The following BMPR1B variants were observed in gnomAD, a reference collection of about 807,000 sequenced individuals.
BMPR1B encodes the protein bone morphogenetic protein receptor type 1B.
Under a neutral mutation model 59.1 loss-of-function variants are expected in BMPR1B, and 12 were observed. That is an observed-to-expected ratio of 0.20 (90% CI 0.13 to 0.33). BMPR1B has a LOEUF of 0.33. Among genes scored for constraint, BMPR1B ranks in the 10% least tolerant of loss-of-function variants. The probability of loss-of-function intolerance (pLI) is 1.00; values close to 1 mark genes in which losing one functional copy is unlikely to be tolerated. For synonymous variants in BMPR1B, 237 were observed against 207.3 expected, an observed-to-expected ratio of 1.14 and a Z score of -1.23; for missense variants, 550 against 610.9, an observed-to-expected ratio of 0.90 and a Z score of 1.05.
chr4:94,804,507 G>A (rs1313421500), intron 1 of BMPR1B, among the ~76,000 whole-genome samples: 1 of 151,816 alleles, frequency 6.6e-6, no homozygotes, highest in Non-Finnish European at 1.5e-5. Flanking sequence ...GGGCAGAGTT[G>A]TGGCCATGCC....
At chr4:95,005,234 G>A (rs1346289229) in intron 3 of BMPR1B, among the ~76,000 whole-genome samples, 1 of 151,962 alleles carries the variant, frequency 6.6e-6, no homozygotes, top group Non-Finnish European at 1.5e-5. Context: ...AAATTGTAGA[G>A]GTAGAGAATC....
At chr4:94,857,756 C>T (rs2522530) in intron 1 of BMPR1B, among the ~76,000 whole-genome samples, 118,323 of 152,074 alleles carry the variant, frequency 0.78, 46,623 homozygotes, top group African/African-American at 0.89. Context: ...AAAAAGACAT[C>T]TGTTAAATTT....
In BMPR1B at chr4:94,981,005, A is replaced by AAGCGCGCG. The variant is rs1553923782; in HGVS notation, c.-112-15035_-112-15034insAGCGCGCG. On this transcript the variant is annotated intron_variant, in intron 2 of 12. Coordinates refer to ENST00000515059, the MANE Select transcript of BMPR1B (RefSeq NM_001203.3). ...GCAAGACTCCATCACACACACACAC[A>AAGCGCGCG]CACACACACACACACACAAAAAGTA... 4.9e-5 allele frequency among the ~76,000 whole-genome samples: 6 copies of AAGCGCGCG among 122,798 alleles called. No homozygotes were observed. The South Asian group carries it at 1.5e-3, about 30-fold the overall frequency. The allele number at this position is 122,798 out of a possible 152,430, so 80.6% of individuals were successfully genotyped here. A position where few individuals can be genotyped will look rare whatever the true frequency, so the allele number is the denominator to read the frequency against.
At chr4:95,123,789 T>A (rs1321146451) in intron 6 of BMPR1B, 21 bp from the exon 7 acceptor site, 1 of 1,528,914 alleles carries the variant, frequency 6.5e-7, no homozygotes, top group Non-Finnish European at 9.0e-7. Flanking sequence ...TGATTATGGC[T>A]CTTTTTCTTT....
At chr4:95,066,193 A>T (rs1194495515) in intron 3 of BMPR1B, among the ~76,000 whole-genome samples, 2 of 152,354 alleles carry the variant, frequency 1.3e-5, no homozygotes, top group South Asian at 2.1e-4. Flanking sequence ...CCTGAATCAG[A>T]GGTGTCTATT....
intron 2 of BMPR1B, among the ~76,000 whole-genome samples, chr4:94,909,238 A>G (rs985047283): frequency 6.6e-6 from 1 of 152,126 alleles, no homozygotes; most frequent in Admixed American, 6.6e-5. Flanking sequence ...GTCTGGGAAT[A>G]TAATAGAGAA....
chr4:95,027,309 C>T (rs1724496601), intron 3 of BMPR1B, among the ~76,000 whole-genome samples: 1 of 152,064 alleles, frequency 6.6e-6, no homozygotes, highest in South Asian at 2.1e-4. Flanking sequence ...CTGATTATTT[C>T]ATAATTTGTT....
At chr4:94,826,084 T>C (rs1171303696) in intron 1 of BMPR1B, among the ~76,000 whole-genome samples, 3 of 152,224 alleles carry the variant, frequency 2.0e-5, no homozygotes, top group African/African-American at 4.8e-5. Context: ...TATTAATTCA[T>C]ATTTTTATTT....
At chr4:94,964,504 C>A (rs1261159388) in intron 2 of BMPR1B, among the ~76,000 whole-genome samples, 1 of 152,124 alleles carries the variant, frequency 6.6e-6, no homozygotes, top group African/African-American at 2.4e-5. Context: ...TGTCCCATAG[C>A]ACATAACTCA....
intron 11 of BMPR1B, among the ~76,000 whole-genome samples, chr4:95,151,094 C>T (rs3821968): frequency 0.1 from 15,154 of 152,148 alleles, 1,085 homozygotes; most frequent in Admixed American, 0.22. Context: ...GTGAAAGAGA[C>T]ACATCCAGAT....
Position 94,854,752 on chromosome 4 carries a change from A to G in BMPR1B, c.-182-21079A>G, listed in dbSNP as rs1160378261. Among the ~76,000 whole-genome samples, 7 of 152,160 alleles carry G rather than the reference A, an allele frequency of 4.6e-5. No homozygotes were observed. In the East Asian group the frequency reaches 1.3e-3, roughly 29 times the overall value. ...AGCAAGCCTATTCTTGGCCCATGAA[A>G]AGAAAGACATGCTCCCTAGTCATTG... On this transcript the variant is annotated intron_variant, in intron 1 of 12. Coordinates refer to ENST00000515059, the MANE Select transcript of BMPR1B (RefSeq NM_001203.3).
chr4:94,881,718 G>T (rs1328227049), intron 2 of BMPR1B, among the ~76,000 whole-genome samples: 1 of 152,122 alleles, frequency 6.6e-6, no homozygotes, highest in Admixed American at 6.5e-5. Context: ...TCCCGCCTTG[G>T]TCTCTCAAAG....
At chr4:95,103,807 A>G (rs1056645283) in intron 3 of BMPR1B, among the ~76,000 whole-genome samples, 2 of 152,154 alleles carry the variant, frequency 1.3e-5, no homozygotes, top group African/African-American at 2.4e-5. Flanking sequence ...GATGGGGAAG[A>G]TGTATCTTTT....
At chr4:94,998,961 A>G (rs1465620314) in intron 3 of BMPR1B, among the ~76,000 whole-genome samples, 1 of 152,048 alleles carries the variant, frequency 6.6e-6, no homozygotes, top group Non-Finnish European at 1.5e-5. Context: ...TCCACATTGC[A>G]TTGCTTTTTT....
intron 1 of BMPR1B, among the ~76,000 whole-genome samples, chr4:94,843,583 CTTTA>C (rs1725185220): frequency 1.3e-5 from 2 of 152,008 alleles, no homozygotes; most frequent in Admixed American, 1.3e-4. Flanking sequence ...TTTTAGAGAC[CTTTA>C]TTTTAGTTAA....
intron 7 of BMPR1B, 95 bp downstream of exon 7, chr4:95,124,001 C>T (rs1732725402): frequency 2.5e-6 from 2 of 804,500 alleles, no homozygotes; most frequent in Non-Finnish European, 4.2e-6. Flanking sequence ...CTCACCACAG[C>T]TTTATTTATC....
At chr4:94,953,481 G>T (rs1293190191) in intron 2 of BMPR1B, among the ~76,000 whole-genome samples, 1 of 152,120 alleles carries the variant, frequency 6.6e-6, no homozygotes, top group East Asian at 1.9e-4. Context: ...TTCAGCATTT[G>T]CTTGTGTATA....
chr4:94,988,601 TACA>T lies in BMPR1B; in HGVS notation c.-112-7435_-112-7433del, dbSNP rs142536397. 9.3e-3 allele frequency among the ~76,000 whole-genome samples: 1,421 copies of T among 152,306 alleles called. 23 individuals are homozygous for T. Among genetic ancestry groups the T allele is most frequent in the African/African-American group, 0.033 (1,359 of 41,558 alleles). On this transcript the variant is annotated intron_variant, in intron 2 of 12. Coordinates refer to ENST00000515059, the MANE Select transcript of BMPR1B (RefSeq NM_001203.3). Reference sequence around the variant, plus strand: ...GTTTATTCCATGTTTACAACTTACATACAACATTATTTCAGTTGAAAAGAACAA... The same window carrying T: ...GTTTATTCCATGTTTACAACTTACATACATTATTTCAGTTGAAAAGAACAA...
chr4:94,893,683 A>G (rs997677987), intron 2 of BMPR1B, among the ~76,000 whole-genome samples: 7 of 151,944 alleles, frequency 4.6e-5, no homozygotes, highest in Non-Finnish European at 7.4e-5. Flanking sequence ...GTCTCACATG[A>G]CTTGAGGTGA....
Sources: allele counts gnomAD v4.1 joint callset (sites outside exome capture counted in the v4.1 genomes callset), GRCh38; gene constraint gnomAD v4.1.1; transcripts MANE v1.5; gene names NCBI Gene and HGNC (gene_info 2026-07-23, HGNC 2026-07-21).